The following MND1 variants were observed in gnomAD, a reference collection of about 807,000 sequenced individuals.
The protein encoded by MND1 is meiotic nuclear division protein 1 homolog.
MND1 carries 28 observed loss-of-function variants against 35.1 expected under a neutral mutation model. The observed-to-expected ratio is 0.80, with a 90% CI of 0.59 to 1.09. The LOEUF (loss-of-function observed/expected upper bound fraction) is 1.09, where lower values mean the gene tolerates loss of function less well. MND1 is among the 50% of genes least tolerant of loss of function. MND1 has a pLI of 0.00. For synonymous variants in MND1, 69 were observed against 70.5 expected, an observed-to-expected ratio of 0.98 and a Z score of 0.11; for missense variants, 213 against 239.6, an observed-to-expected ratio of 0.89 and a Z score of 0.73.
At chr4:153,354,477 T>G (rs1431511049) in intron 2 of MND1, among the ~76,000 whole-genome samples, 2 of 152,108 alleles carry the variant, frequency 1.3e-5, no homozygotes, top group Non-Finnish European at 2.9e-5. Flanking sequence ...GGATGGTGGT[T>G]TTTTGTTATT....
At chr4:153,406,430 G>A (rs1251229764) in intron 6 of MND1, among the ~76,000 whole-genome samples, 3 of 152,042 alleles carry the variant, frequency 2.0e-5, no homozygotes, top group Non-Finnish European at 2.9e-5. Context: ...GCTGAGGCAG[G>A]AGAATCGCTT....
chr4:153,363,299 T>C (rs13115720), intron 4 of MND1, among the ~76,000 whole-genome samples: 1 of 151,666 alleles, frequency 6.6e-6, no homozygotes, highest in Non-Finnish European at 1.5e-5. Context: ...GCAACCTCTG[T>C]CTCCAGAGTT....
chr4:153,399,541 T>C (rs1282495492), intron 6 of MND1, among the ~76,000 whole-genome samples: 1 of 152,162 alleles, frequency 6.6e-6, no homozygotes, highest in Non-Finnish European at 1.5e-5. Flanking sequence ...AAACTTGTAT[T>C]TTAGGCATGT....
intron 4 of MND1, among the ~76,000 whole-genome samples, chr4:153,383,858 G>T (rs1394281728): frequency 6.6e-6 from 1 of 152,174 alleles, no homozygotes; most frequent in South Asian, 2.1e-4. Flanking sequence ...TAGACCTATT[G>T]TCTGAGGTCC....
intron 4 of MND1, among the ~76,000 whole-genome samples, chr4:153,385,715 CAAAAAA>C (rs60037291): frequency 3.6e-5 from 3 of 83,694 alleles, no homozygotes; most frequent in Admixed American, 1.4e-4. Context: ...GACCCTGTCT[CAAAAAA>C]AAAAAAAAAA....
At chr4:153,404,345 C>A (rs1579954407) in intron 6 of MND1, among the ~76,000 whole-genome samples, 1 of 129,736 alleles carries the variant, frequency 7.7e-6, no homozygotes, top group Admixed American at 7.8e-5. Context: ...CCACGCCCAG[C>A]TTTTTTTTTT....
At chr4:153,366,005 T>C (rs1199404571) in intron 4 of MND1, among the ~76,000 whole-genome samples, 1 of 152,164 alleles carries the variant, frequency 6.6e-6, no homozygotes, top group Non-Finnish European at 1.5e-5. Context: ...TAAAAATCAG[T>C]GTTACTAGGC....
intron 4 of MND1, among the ~76,000 whole-genome samples, chr4:153,377,560 A>G (rs577032337): frequency 6.6e-6 from 1 of 152,338 alleles, no homozygotes; most frequent in East Asian, 1.9e-4. Flanking sequence ...AGAGATGGCC[A>G]TGTCAACAAA....
At position 153,394,732 on chromosome 4, in the gene MND1, T is replaced by C. The variant is rs567723140; in HGVS notation, c.351+396T>C. ...GGTAAGCCCTATATAAATGTTTATG[T>C]AAATTTTTAAGACTCTTTTAAAAAA... On this transcript the variant is annotated intron_variant, in intron 5 of 7. Transcript: ENST00000240488. Among the ~76,000 whole-genome samples the C allele has an allele frequency of 3.3e-5, 5 of 150,336 alleles. No homozygotes were observed. In the East Asian group the frequency reaches 9.6e-4, roughly 29 times the overall value.
chr4:153,373,148 T>G (rs1304444284), intron 4 of MND1, among the ~76,000 whole-genome samples: 1 of 152,190 alleles, frequency 6.6e-6, no homozygotes, highest in Non-Finnish European at 1.5e-5. Context: ...TGACAATTTC[T>G]GCCTTTTAAT....
At chr4:153,362,339 G>A (rs1773516853) in intron 4 of MND1, among the ~76,000 whole-genome samples, 1 of 152,196 alleles carries the variant, frequency 6.6e-6, no homozygotes, top group South Asian at 2.1e-4. Flanking sequence ...TCTCATGAAT[G>A]GTTTGGCACC....
At chr4:153,376,784 G>A (rs1011204757) in intron 4 of MND1, among the ~76,000 whole-genome samples, 8 of 152,030 alleles carry the variant, frequency 5.3e-5, no homozygotes, top group South Asian at 2.1e-4. Context: ...GTGGTACCCC[G>A]AGCATAACTC....
chr4:153,390,925 G>GTA (rs1364630076), intron 4 of MND1, among the ~76,000 whole-genome samples: 1 of 141,162 alleles, frequency 7.1e-6, no homozygotes, highest in Non-Finnish European at 1.5e-5. Context: ...GTATATGTGT[G>GTA]TGTGTGTGTG....
rs371243723 is a variant in MND1, at chr4:153,361,602, G to A, written c.276+2980G>A. The A allele has an allele frequency of 2.4e-4, 108 of 454,332 alleles. 4 individuals are homozygous for A. In the East Asian group the frequency reaches 4.7e-3, roughly 20 times the overall value. The allele number at this position is 454,332 out of a possible 1,614,324, so 28.1% of individuals were successfully genotyped here. On this transcript the variant is annotated intron_variant, in intron 4 of 7. Transcript: ENST00000240488. ...CGCCTGTAATCCCAGCACTTTGGGA[G>A]GCTGAGGCGGGCAGATCACGAGGTC...
chr4:153,369,137 G>A (rs1459605720), intron 4 of MND1, among the ~76,000 whole-genome samples: 4 of 152,352 alleles, frequency 2.6e-5, no homozygotes, highest in Admixed American at 2.6e-4. Context: ...GCAGATCTCA[G>A]TTCTATGATG....
At chr4:153,370,570 A>G (rs530343688) in intron 4 of MND1, among the ~76,000 whole-genome samples, 31 of 152,078 alleles carry the variant, frequency 2.0e-4, no homozygotes, top group Middle Eastern at 3.4e-3. Context: ...TCCAGGCTGG[A>G]GTGCAGTGGC....
intron 4 of MND1, among the ~76,000 whole-genome samples, chr4:153,366,134 A>C (rs1179853447): frequency 6.6e-6 from 1 of 152,132 alleles, no homozygotes; most frequent in Non-Finnish European, 1.5e-5. Flanking sequence ...GCATCACTCT[A>C]ATTTCTGCCT....
At chr4:153,360,699 AT>A (rs1163989762) in intron 4 of MND1, among the ~76,000 whole-genome samples, 1 of 148,814 alleles carries the variant, frequency 6.7e-6, no homozygotes, top group Non-Finnish European at 1.5e-5. Flanking sequence ...TACTATAAAT[AT>A]TTTTGTGTGT....
intron 4 of MND1, among the ~76,000 whole-genome samples, chr4:153,369,363 CAA>C (rs1773734868): frequency 2.0e-5 from 3 of 152,276 alleles, no homozygotes; most frequent in South Asian, 2.1e-4. Flanking sequence ...AGTTTACACT[CAA>C]GAGAGGAGAT....
Sources: gnomAD v4.1 joint callset for allele counts (sites outside exome capture counted in the v4.1 genomes callset) on GRCh38, gnomAD v4.1.1 for gene constraint, MANE v1.5 for transcripts, NCBI Gene and HGNC (gene_info 2026-07-23, HGNC 2026-07-21) for gene names.